GTF2IRD1: variants seen among roughly 807,000 people sequenced by gnomAD.
GTF2IRD1 encodes the protein GTF2I repeat domain containing 1.
GTF2IRD1 carries 26 observed loss-of-function variants against 113.2 expected under a neutral mutation model. The ratio of observed to expected loss-of-function variants is 0.23; its 90% CI spans 0.17 to 0.32. The LOEUF (loss-of-function observed/expected upper bound fraction) is 0.32. GTF2IRD1 is among the 10% of genes least tolerant of loss of function. The pLI is 1.00. For missense variants in GTF2IRD1, 864 were observed against 1,280.8 expected, an observed-to-expected ratio of 0.67 and a Z score of 4.97; for synonymous variants, 484 against 529.1, an observed-to-expected ratio of 0.91 and a Z score of 1.17.
chr7:74,576,617 CTTTTT>C (rs1165378230), intron 22 of GTF2IRD1, among the ~76,000 whole-genome samples: 243 of 49,246 alleles, frequency 4.9e-3, no homozygotes, highest in African/African-American at 0.02. Flanking sequence ...ATTTCCTTGT[CTTTTT>C]TTTTTTTTTT....
chr7:74,461,949 A>G (rs1554329382), intron 1 of GTF2IRD1, among the ~76,000 whole-genome samples: 1 of 152,168 alleles, frequency 6.6e-6, no homozygotes, highest in Non-Finnish European at 1.5e-5. Flanking sequence ...TGCCTGGCTC[A>G]CACCCTTATG....
intron 1 of GTF2IRD1, among the ~76,000 whole-genome samples, chr7:74,486,975 G>A (rs56393202): frequency 0.12 from 18,817 of 152,144 alleles, 1,296 homozygotes; most frequent in African/African-American, 0.18. Context: ...GAAATGAGAC[G>A]CATTAGACAA....
chr7:74,598,177 T>C (rs1802535470), intron 25 of GTF2IRD1, among the ~76,000 whole-genome samples: 2 of 151,732 alleles, frequency 1.3e-5, no homozygotes, highest in Middle Eastern at 3.4e-3. Context: ...GAGCTATGAT[T>C]GTGCCACTGC....
intron 17 of GTF2IRD1, among the ~76,000 whole-genome samples, chr7:74,550,964 A>C (rs1198704764): frequency 1.8e-4 from 28 of 152,098 alleles, no homozygotes; most frequent in African/African-American, 6.3e-4. Flanking sequence ...TAGCTTAAGC[A>C]CAGAGGGTCC....
In GTF2IRD1 at chr7:74,544,822, T is replaced by C. The variant is rs587657962; in HGVS notation, c.1666+20T>C. ...TGGAGGGTGAGGCCCTGTCTACCCCTGACATTTTACACCCACCCCCACCCC... is the reference window on the plus strand; with the variant it reads ...TGGAGGGTGAGGCCCTGTCTACCCCCGACATTTTACACCCACCCCCACCCC... On this transcript the variant is annotated intron_variant, in intron 15 of 26. Transcript: ENST00000424337. 171 of 1,608,192 alleles carry C rather than the reference T, an allele frequency of 1.1e-4. 2 individuals carry two copies. The Admixed American group carries it at 2.8e-3, about 26-fold the overall frequency.
intron 24 of GTF2IRD1, among the ~76,000 whole-genome samples, chr7:74,593,229 G>A (rs7779579): frequency 1.3e-3 from 197 of 151,876 alleles, no homozygotes; most frequent in Middle Eastern, 6.8e-3. Flanking sequence ...ATCAAAAAGT[G>A]GAGGTTTCCT....
chr7:74,510,127 G>A (rs577820575), intron 2 of GTF2IRD1, among the ~76,000 whole-genome samples: 32 of 152,092 alleles, frequency 2.1e-4, no homozygotes, highest in African/African-American at 7.7e-4. Context: ...AAAGGGGCTG[G>A]GTGCCACACT....
intron 9 of GTF2IRD1, among the ~76,000 whole-genome samples, chr7:74,530,811 G>A (rs189597391): frequency 5.6e-4 from 86 of 152,218 alleles, no homozygotes; most frequent in African/African-American, 2.0e-3. Context: ...TCCGACCTGG[G>A]CGTCCTTGGG....
At chr7:74,538,473 C>T (rs1180254397) in intron 12 of GTF2IRD1, among the ~76,000 whole-genome samples, 3 of 152,186 alleles carry the variant, frequency 2.0e-5, no homozygotes, top group South Asian at 2.1e-4. Flanking sequence ...CCTCAGTCAC[C>T]GGGTCTGTAA....
At chr7:74,477,363 C>CAA (rs5884947) in intron 1 of GTF2IRD1, among the ~76,000 whole-genome samples, 24 of 133,780 alleles carry the variant, frequency 1.8e-4, no homozygotes, top group Admixed American at 3.8e-4. Context: ...TTTTTGTGTC[C>CAA]AAAAAAAAAA....
chr7:74,559,790 T>C, intron 22 of GTF2IRD1, 135 bp downstream of exon 22: 1 of 656,270 alleles, frequency 1.5e-6, no homozygotes, highest in Non-Finnish European at 2.4e-6. Context: ...TTTCTTTTTT[T>C]TTTTTCTGAG....
Position 74,538,177 on chromosome 7 carries a change from A to C in GTF2IRD1, c.1447+4A>C. The C allele has an allele frequency of 6.2e-7, 1 of 1,612,400 alleles. No homozygotes were observed. ...ATGTCTGAAGACTGTGGGCCAGGTG[A>C]GAAGGAACAGGGCCCGCTGTGTGTG... On this transcript the variant is annotated splice_donor_region_variant and intron_variant, in intron 12 of 26. Transcript: ENST00000424337.
chr7:74,499,200 C>T (rs1217387725), intron 1 of GTF2IRD1, among the ~76,000 whole-genome samples: 1 of 152,214 alleles, frequency 6.6e-6, no homozygotes, highest in Non-Finnish European at 1.5e-5. Flanking sequence ...CTTGCCACGA[C>T]CTACCAGGTC....
intron 1 of GTF2IRD1, among the ~76,000 whole-genome samples, chr7:74,504,808 A>G (rs960718988): frequency 1.4e-5 from 2 of 147,216 alleles, no homozygotes; most frequent in Non-Finnish European, 3.0e-5. Flanking sequence ...CCGGGGTTCC[A>G]GCGATTCTCC....
chr7:74,593,872 C>G (rs1352742360), intron 24 of GTF2IRD1, among the ~76,000 whole-genome samples: 1 of 151,890 alleles, frequency 6.6e-6, no homozygotes, highest in Admixed American at 6.6e-5. Context: ...CCACTGCACT[C>G]CAGCCTGGGC....
intron 22 of GTF2IRD1, among the ~76,000 whole-genome samples, chr7:74,564,616 G>T (rs1361653342): frequency 6.6e-6 from 1 of 152,174 alleles, no homozygotes; most frequent in Admixed American, 6.5e-5. Context: ...AGCCAGACAT[G>T]GTGGGGACGA....
intron 22 of GTF2IRD1, among the ~76,000 whole-genome samples, chr7:74,575,878 T>C (rs1366861189): frequency 6.6e-6 from 1 of 152,120 alleles, no homozygotes. Context: ...ATAACTGGTA[T>C]TTCAAGCCTT....
At chr7:74,496,495 G>T (rs528163545) in intron 1 of GTF2IRD1, among the ~76,000 whole-genome samples, 1 of 128,978 alleles carries the variant, frequency 7.8e-6, no homozygotes, top group Admixed American at 7.7e-5. Context: ...ATGTGTGTGT[G>T]TGTGTGTTCA....
chr7:74,539,780 C>A, intron 13 of GTF2IRD1, 99 bp from the exon 14 acceptor site: 2 of 773,686 alleles, frequency 2.6e-6, no homozygotes, highest in Admixed American at 2.3e-5. Flanking sequence ...AGAAAAGGAC[C>A]CTTGTCTGTG....
Sources: allele counts gnomAD v4.1 joint callset (sites outside exome capture counted in the v4.1 genomes callset), GRCh38; gene constraint gnomAD v4.1.1; transcripts MANE v1.5; gene names NCBI Gene and HGNC (gene_info 2026-07-23, HGNC 2026-07-21).